MTREX: variants seen among roughly 807,000 people sequenced by gnomAD.
The protein encoded by MTREX is exosome RNA helicase MTR4.
MTREX carries 76 observed loss-of-function variants against 135.4 expected under a neutral mutation model. The ratio of observed to expected loss-of-function variants is 0.56; its 90% confidence interval spans 0.47 to 0.68. The LOEUF (loss-of-function observed/expected upper bound fraction) is 0.68. Ranked by LOEUF, MTREX falls within the 30% of genes least tolerant of loss-of-function variation. The pLI is 0.00. For synonymous variants in MTREX, 404 were observed against 401.6 expected, an observed-to-expected ratio of 1.01 and a Z score of -0.07; for missense variants, 920 against 1,262.1, an observed-to-expected ratio of 0.73 and a Z score of 4.11.
chr5:55,318,730 G>A (rs6896349), intron 1 of MTREX, among the ~76,000 whole-genome samples: 77 of 152,138 alleles, frequency 5.1e-4, no homozygotes, highest in African/African-American at 1.7e-3. Flanking sequence ...GTTTACCTGC[G>A]TAGCAAACCT....
At chr5:55,338,867 T>C (rs1749598096) in intron 5 of MTREX, among the ~76,000 whole-genome samples, 1 of 146,820 alleles carries the variant, frequency 6.8e-6, no homozygotes, top group Non-Finnish European at 1.5e-5. Context: ...GTTGGCTCAC[T>C]GCAGCCTCCA....
At chr5:55,415,228 A>G (rs567701467) in intron 24 of MTREX, among the ~76,000 whole-genome samples, 2 of 152,132 alleles carry the variant, frequency 1.3e-5, no homozygotes, top group South Asian at 2.1e-4. Flanking sequence ...GGAAGAAAAA[A>G]GAAAAAAAAA....
chr5:55,358,780 T>A, intron 15 of MTREX, 82 bp downstream of exon 15: 1 of 1,184,030 alleles, frequency 8.4e-7, no homozygotes, highest in Non-Finnish European at 1.2e-6. Flanking sequence ...GTTGTGTCAG[T>A]CAGACACCTA....
At chr5:55,335,416 T>G (rs1248310899) in intron 5 of MTREX, among the ~76,000 whole-genome samples, 1 of 152,072 alleles carries the variant, frequency 6.6e-6, no homozygotes, top group African/African-American at 2.4e-5. Context: ...TCTTCTTCGT[T>G]TTCCTCTTGC....
intron 1 of MTREX, among the ~76,000 whole-genome samples, chr5:55,316,537 A>G (rs979831621): frequency 3.3e-5 from 5 of 152,180 alleles, no homozygotes; most frequent in African/African-American, 1.2e-4. Flanking sequence ...AAAAAACCAC[A>G]TGATTATTTC....
intron 2 of MTREX, 97 bp downstream of exon 2, chr5:55,322,561 C>A (rs1189185469): frequency 1.2e-6 from 1 of 801,948 alleles, no homozygotes; most frequent in Non-Finnish European, 1.9e-6. Flanking sequence ...AGATATATGC[C>A]CGTATTAGAG....
At chr5:55,377,314 G>A (rs944663547) in intron 16 of MTREX, among the ~76,000 whole-genome samples, 8 of 152,202 alleles carry the variant, frequency 5.3e-5, no homozygotes, top group African/African-American at 1.2e-4. Flanking sequence ...GCGACAGAGC[G>A]AGACTCCGTC....
rs759363212 is a variant in MTREX at position 55,369,254 on chromosome 5, G to T, written c.1810+2379G>T. Reference sequence around the variant, plus strand: ...ATTTTACCTTATGGAAATTTCAGATGCTGTCATTGAAACAGGTGTAAGATT... The same window carrying T: ...ATTTTACCTTATGGAAATTTCAGATTCTGTCATTGAAACAGGTGTAAGATT... On this transcript the variant is annotated intron_variant, in intron 16 of 26. Transcript: ENST00000230640. Among the ~76,000 whole-genome samples the T allele has an allele frequency of 4.0e-4, 61 of 152,246 alleles. 1 individual carries two copies. Among genetic ancestry groups the T allele is most frequent in the Middle Eastern group, 3.4e-3 (1 of 294 alleles).
chr5:55,377,333 A>G (rs939106831), intron 16 of MTREX, among the ~76,000 whole-genome samples: 1 of 152,232 alleles, frequency 6.6e-6, no homozygotes, highest in African/African-American at 2.4e-5. Context: ...TCTCTAAAAA[A>G]AAAGAAGAAA....
intron 1 of MTREX, among the ~76,000 whole-genome samples, 170 bp downstream of exon 1, chr5:55,308,317 A>AG (rs1425000460): frequency 6.6e-6 from 1 of 151,820 alleles, no homozygotes; most frequent in African/African-American, 2.4e-5. Context: ...GGTTCGTGGA[A>AG]GGGGGGTCTT....
At position 55,404,628 on chromosome 5, in the gene MTREX, G is replaced by T. The variant is rs113742028; in HGVS notation, c.2482-797G>T. Among the ~76,000 whole-genome samples, 822 of 152,256 alleles carry T rather than the reference G, an allele frequency of 5.4e-3. 4 individuals are homozygous for T. The highest frequency in any genetic ancestry group is 0.019 in the African/African-American group (791 of 41,562). The stretch of plus-strand genomic sequence containing the variant: ...GCTGGGATTGGTACTTTTGGACCGT[G>T]ATTAATTGTCTAGTGAATCCTGTCT... On this transcript the variant is annotated intron_variant, in intron 21 of 26. Transcript: ENST00000230640.
intron 15 of MTREX, 115 bp from the exon 16 acceptor site, chr5:55,366,610 T>C (rs924676936): frequency 1.6e-5 from 12 of 728,504 alleles, no homozygotes; most frequent in African/African-American, 1.6e-4. Flanking sequence ...GTAGAACTAA[T>C]ACATTTCTGT....
intron 1 of MTREX, among the ~76,000 whole-genome samples, chr5:55,311,500 G>A (rs1420349281): frequency 6.6e-6 from 1 of 152,128 alleles, no homozygotes; most frequent in Non-Finnish European, 1.5e-5. Flanking sequence ...TGAGTGAAGG[G>A]AGAAACCAGG....
Position 55,379,158 on chromosome 5 carries a change from G to T in MTREX, c.2015G>T (p.Gly672Val). 1 of 1,609,320 alleles carries T rather than the reference G, an allele frequency of 6.2e-7. No individual in the cohort carries two copies. The highest frequency in any genetic ancestry group is 1.1e-5 in the South Asian group (1 of 90,932). ...VKNEGDDFGW[G>V]VVVNFSKKSN... ...AATGAAGGAGATGACTTTGGCTGGG[G>T]AGTAGTGGTGAATTTCTCAAAAAAG... The change falls in exon 18 of 27, where the codon GGA (glycine) becomes GTA (valine). Residue 672 changes from glycine to valine, a missense_variant. By Grantham distance (109) the Gly-to-Val change is moderately radical. Transcript: ENST00000230640.
Position 55,410,560 on chromosome 5 carries a change from T to C in MTREX, c.2682T>C (p.Asn894=), listed in dbSNP as rs752367634. The change falls in exon 23 of 27, where the codon AAT becomes AAC. Residue 894 remains asparagine, a synonymous_variant. Coordinates refer to ENST00000230640, the MANE Select transcript of MTREX (RefSeq NM_015360.5). ...DELLLTEMMF[N]GLFNDLSAEQ... ...TCCTTCTAACTGAGATGATGTTTAA[T>C]GGCCTTTTCAATGACCTTTCTGCAG... 3.7e-6 allele frequency: 6 copies of C among 1,611,346 alleles called. No individual in the cohort carries two copies. The highest frequency in any genetic ancestry group is 5.1e-6 in the Non-Finnish European group (6 of 1,178,154).
intron 25 of MTREX, among the ~76,000 whole-genome samples, chr5:55,417,117 T>C (rs979313095): frequency 6.6e-6 from 1 of 152,196 alleles, no homozygotes; most frequent in Admixed American, 6.5e-5. Flanking sequence ...TTTTAAATTA[T>C]GGTGTTGTAT....
chr5:55,380,244 T>TC (rs1271490646), intron 18 of MTREX, among the ~76,000 whole-genome samples: 1 of 152,146 alleles, frequency 6.6e-6, no homozygotes, highest in African/African-American at 2.4e-5. Flanking sequence ...CCGGCCTGTT[T>TC]CTTTTTTTAA....
At position 55,340,231 on chromosome 5, in the gene MTREX, A is replaced by C. The variant is rs181984509; in HGVS notation, c.690+47A>C. ...CTGACTTTTCGTTTTTAATTAAATTAATGTGACTATTCAGTTAGAACCTGG... is the reference window on the plus strand; with the variant it reads ...CTGACTTTTCGTTTTTAATTAAATTCATGTGACTATTCAGTTAGAACCTGG... On this transcript the variant is annotated intron_variant, in intron 6 of 26. Transcript: ENST00000230640. The C allele has an allele frequency of 2.9e-6, 4 of 1,392,858 alleles. No homozygotes were observed. The East Asian group carries it at 7.7e-5, about 27-fold the overall frequency. 86.3% of individuals were successfully genotyped at this position (1,392,858 alleles called of 1,614,324 possible).
chr5:55,410,847 A>G (rs1026177476), intron 23 of MTREX, among the ~76,000 whole-genome samples: 1 of 152,360 alleles, frequency 6.6e-6, no homozygotes, highest in South Asian at 2.1e-4. Context: ...AACAATCACC[A>G]TTAATTAGAT....
Sources: gnomAD v4.1 joint callset for allele counts (sites outside exome capture counted in the v4.1 genomes callset) on GRCh38, gnomAD v4.1.1 for gene constraint, MANE v1.5 for transcripts, NCBI Gene and HGNC (gene_info 2026-07-23, HGNC 2026-07-21) for gene names.